The following DOCK8 variants were observed in gnomAD, a reference collection of about 807,000 sequenced individuals.
DOCK8 encodes dedicator of cytokinesis protein 8.
A neutral mutation model predicts 245.6 loss-of-function variants in DOCK8; 141 were observed. That is an observed-to-expected ratio of 0.57 (90% CI 0.50 to 0.66). DOCK8 has a LOEUF of 0.66. Among genes scored for constraint, DOCK8 ranks in the 30% least tolerant of loss-of-function variants. DOCK8 has a pLI of 0.00. For missense variants in DOCK8, 2,965 were observed against 2,603.4 expected (o/e 1.14, Z -3.02); for synonymous variants, 1,168 against 970.2 (o/e 1.20, Z -3.79).
chr9:437,375 C>CTTT (rs1355046049), intron 39 of DOCK8, among the ~76,000 whole-genome samples: 2 of 152,222 alleles, frequency 1.3e-5, no homozygotes, highest in Non-Finnish European at 2.9e-5. Flanking sequence ...GAGATGCCTC[C>CTTT]TTTCTAGCAG....
chr9:447,696 C>T lies in DOCK8; in HGVS notation c.5817+1090C>T, dbSNP rs978986903. Among the ~76,000 whole-genome samples the T allele has an allele frequency of 3.3e-5, 5 of 152,302 alleles. 1 individual carries two copies. In the South Asian group the frequency reaches 1.0e-3, roughly 32 times the overall value. The stretch of plus-strand genomic sequence containing the variant: ...TAATTAGATTGGGTCATTAAAATAA[C>T]AAGTATAACAGGCATAATCAAGTTG... On this transcript the variant is annotated intron_variant, in intron 44 of 47. Coordinates refer to ENST00000432829, the MANE Select transcript of DOCK8 (RefSeq NM_203447.4).
intron 33 of DOCK8, among the ~76,000 whole-genome samples, chr9:424,062 CT>C (rs35430451): frequency 0.28 from 41,268 of 146,960 alleles, 6,601 homozygotes; most frequent in East Asian, 0.5. Context: ...GGGCTTTGTG[CT>C]TTTTTTTTTT....
chr9:344,118 G>A (rs533140378), intron 14 of DOCK8, among the ~76,000 whole-genome samples: 12 of 152,170 alleles, frequency 7.9e-5, no homozygotes, highest in Admixed American at 4.6e-4. Context: ...GAAGTGCCAA[G>A]GACACCCCGT....
At chr9:378,709 A>C (rs980999438) in intron 20 of DOCK8, among the ~76,000 whole-genome samples, 42 of 152,254 alleles carry the variant, frequency 2.8e-4, no homozygotes, top group African/African-American at 9.9e-4. Flanking sequence ...TCTCCATAGC[A>C]AGTTGCCACC....
chr9:325,382 C>G (rs2050717601), intron 7 of DOCK8, among the ~76,000 whole-genome samples: 1 of 152,154 alleles, frequency 6.6e-6, no homozygotes, highest in South Asian at 2.1e-4. Flanking sequence ...CACTAAAGGT[C>G]CATTCAGCCC....
chr9:439,227 T>C lies in DOCK8; in HGVS notation c.5080-18T>C. ...CTGGTCGCCCTGTTCTCCAGGCTTATACTGTGGTCTCTTTCAGAATATTTC... is the reference window on the plus strand; with the variant it reads ...CTGGTCGCCCTGTTCTCCAGGCTTACACTGTGGTCTCTTTCAGAATATTTC... On this transcript the variant is annotated intron_variant, in intron 39 of 47. Coordinates refer to ENST00000432829, the MANE Select transcript of DOCK8 (RefSeq NM_203447.4). 1 of 1,614,154 alleles carries C rather than the reference T, an allele frequency of 6.2e-7. No homozygotes were observed. Among genetic ancestry groups the C allele is most frequent in the Non-Finnish European group, 8.5e-7 (1 of 1,180,014 alleles).
rs998847136 is a variant in DOCK8 at position 336,865 on chromosome 9, A to G, written c.1422+147A>G. 17 of 1,030,468 alleles carry G rather than the reference A, an allele frequency of 1.6e-5. No homozygotes were observed. The South Asian group carries it at 2.1e-4, about 12-fold the overall frequency. 63.8% of individuals were successfully genotyped at this position (1,030,468 alleles called of 1,614,324 possible). On this transcript the variant is annotated intron_variant, in intron 12 of 47. Transcript: ENST00000432829. ...CATTTTCTGCTGCTTATAATAGAGT[A>G]TCTGAAACTGGGTAATTTAAAAAGA...
chr9:283,639 G>T (rs1302837393), intron 2 of DOCK8, among the ~76,000 whole-genome samples: 2 of 152,068 alleles, frequency 1.3e-5, no homozygotes, highest in Non-Finnish European at 2.9e-5. Flanking sequence ...ATGAAAACAT[G>T]TGATATCTGT....
At chr9:232,210 G>A (rs1366340940) in intron 1 of DOCK8, among the ~76,000 whole-genome samples, 1 of 152,094 alleles carries the variant, frequency 6.6e-6, no homozygotes, top group South Asian at 2.1e-4. Flanking sequence ...ATTGATTTGT[G>A]TATGTTGAAC....
intron 1 of DOCK8, among the ~76,000 whole-genome samples, chr9:234,185 C>G (rs1206342159): frequency 2.0e-5 from 3 of 152,194 alleles, no homozygotes; most frequent in South Asian, 2.1e-4. Flanking sequence ...TGAAATTCTG[C>G]ATTGAAAATT....
chr9:312,476 A>C (rs1280972110), intron 6 of DOCK8: 1 of 507,912 alleles, frequency 2.0e-6, no homozygotes, highest in East Asian at 5.2e-5. Flanking sequence ...AATCACACCC[A>C]GCAAGTCAAA....
At chr9:246,030 G>A (rs1486024706) in intron 1 of DOCK8, among the ~76,000 whole-genome samples, 1 of 152,100 alleles carries the variant, frequency 6.6e-6, no homozygotes, top group Non-Finnish European at 1.5e-5. Flanking sequence ...GACCAACCTG[G>A]GCAACATGGT....
intron 22 of DOCK8, among the ~76,000 whole-genome samples, chr9:385,726 A>G (rs1305484378): frequency 6.6e-6 from 1 of 152,206 alleles, no homozygotes; most frequent in Admixed American, 6.5e-5. Flanking sequence ...TCAGCCTCAT[A>G]TTGAAAGCCC....
chr9:318,024 T>G lies in DOCK8; in HGVS notation c.827+896T>G, dbSNP rs2050422233. ...CATGTATTAATTTTGTACTTTCATA[T>G]TAAAATATTATCTACATTATAAAAC... On this transcript the variant is annotated intron_variant, in intron 7 of 47. Coordinates refer to ENST00000432829, the MANE Select transcript of DOCK8 (RefSeq NM_203447.4). 2.6e-5 allele frequency among the ~76,000 whole-genome samples: 4 copies of G among 152,178 alleles called. No individual in the cohort carries two copies. In the South Asian group the frequency reaches 8.3e-4, roughly 31 times the overall value.
In DOCK8 at chr9:390,572, A is replaced by T; in HGVS notation, c.2970+6A>T. 6.2e-7 allele frequency: 1 copy of T among 1,613,534 alleles called. No homozygotes were observed. Among genetic ancestry groups the T allele is most frequent in the Non-Finnish European group, 8.5e-7 (1 of 1,179,468 alleles). On this transcript the variant is annotated splice_donor_region_variant and intron_variant, in intron 24 of 47. Transcript: ENST00000432829. ...GGTTCTTCTTTGAGCTTCTGGTGAG[A>T]TTCTTGCGCGTTTGTATCTGTGCTC...
chr9:461,499 A>T (rs1385180455), intron 46 of DOCK8, among the ~76,000 whole-genome samples: 1 of 95,462 alleles, frequency 1.0e-5, no homozygotes, highest in Non-Finnish European at 2.3e-5. Context: ...TAACCTTTCC[A>T]TTGAGTTTTT....
chr9:464,154 T>C lies in DOCK8; in HGVS notation c.6240-5T>C. On this transcript the variant is annotated splice_region_variant and splice_polypyrimidine_tract_variant and intron_variant, in intron 47 of 47. Transcript: ENST00000432829. ...CCTCTCCTCCCTCTCTTTTCTTAAT[T>C]TCAGGGACTCCTTCCACAGATCTAG... is the stretch of plus-strand genomic sequence containing the variant. The C allele has an allele frequency of 1.2e-6, 2 of 1,612,476 alleles. No individual in the cohort carries two copies. The highest frequency in any genetic ancestry group is 1.7e-6 in the Non-Finnish European group (2 of 1,178,446).
Position 414,776 on chromosome 9 carries a change from C to T in DOCK8, c.3531-6C>T. 1 of 1,614,150 alleles carries T rather than the reference C, an allele frequency of 6.2e-7. No homozygotes were observed. The highest frequency in any genetic ancestry group is 2.2e-5 in the East Asian group (1 of 44,892). ...TAACCTCTTGATTCCTGTGTTGTGCCAACAGAATCAGCAAAGTACAAAGGA... is the reference window on the plus strand; with the variant it reads ...TAACCTCTTGATTCCTGTGTTGTGCTAACAGAATCAGCAAAGTACAAAGGA... On this transcript the variant is annotated splice_polypyrimidine_tract_variant and splice_region_variant and intron_variant, in intron 28 of 47. Coordinates refer to ENST00000432829, the MANE Select transcript of DOCK8 (RefSeq NM_203447.4).
At chr9:433,779 C>A in intron 37 of DOCK8, 96 bp from the exon 38 acceptor site, 1 of 1,036,660 alleles carries the variant, frequency 9.6e-7, no homozygotes, top group Non-Finnish European at 1.5e-6. Flanking sequence ...TCTGATCCAA[C>A]CCTTCCCATG....
Sources: allele counts gnomAD v4.1 joint callset (sites outside exome capture counted in the v4.1 genomes callset), GRCh38; gene constraint gnomAD v4.1.1; transcripts MANE v1.5; gene names NCBI Gene and HGNC (gene_info 2026-07-23, HGNC 2026-07-21).